SCARB1: variants seen among roughly 807,000 people sequenced by gnomAD.
SCARB1 encodes scavenger receptor class B member 1.
A neutral mutation model predicts 57.2 loss-of-function variants in SCARB1; 30 were observed. The observed-to-expected ratio is 0.52, with a 90% CI of 0.39 to 0.71. The LOEUF (loss-of-function observed/expected upper bound fraction) is 0.71, where lower values mean the gene tolerates loss of function less well. SCARB1 is among the 30% of genes least tolerant of loss of function. SCARB1 has a pLI of 0.00. For synonymous variants in SCARB1, 249 were observed against 268.3 expected (o/e 0.93, Z 0.70); for missense variants, 543 against 671.2 (o/e 0.81, Z 2.11).
At chr12:124,831,344 T>C (rs1215782227) in intron 1 of SCARB1, among the ~76,000 whole-genome samples, 3 of 152,134 alleles carry the variant, frequency 2.0e-5, no homozygotes, top group Non-Finnish European at 2.9e-5. Context: ...CTCCAACTCC[T>C]GACCTCAGGT....
chr12:124,780,763 G>C (rs909115966), intron 12 of SCARB1, among the ~76,000 whole-genome samples: 1 of 152,330 alleles, frequency 6.6e-6, no homozygotes, highest in African/African-American at 2.4e-5. Context: ...AGGACATCCT[G>C]GTTATGTCCA....
chr12:124,809,336 G>C (rs914947267), intron 6 of SCARB1, among the ~76,000 whole-genome samples: 5 of 152,144 alleles, frequency 3.3e-5, no homozygotes, highest in African/African-American at 1.2e-4. Context: ...TGCAATCCCA[G>C]CACTTTGGGA....
intron 7 of SCARB1, among the ~76,000 whole-genome samples, chr12:124,805,799 G>A (rs935025627): frequency 1.4e-5 from 2 of 142,724 alleles, no homozygotes; most frequent in South Asian, 4.4e-4. Context: ...CGAACTCTTG[G>A]CCTGAAGTGA....
Position 124,846,729 on chromosome 12 carries a change from CAAAAAAAAAAAAA to C in SCARB1, c.126+16853_126+16865del, listed in dbSNP as rs5801572. 1.5e-4 allele frequency among the ~76,000 whole-genome samples: 7 copies of C among 46,036 alleles called. No homozygotes were observed. In the South Asian group the frequency reaches 5.1e-3, roughly 33 times the overall value. The allele number at this position is 46,036 out of a possible 152,430, so 30.2% of individuals were successfully genotyped here. ...CTGGCCACACAGCAAGACTCCATCT[CAAAAAAAAAAAAA>C]AAAAAAAAAAAAAAAAGACAGATGA... On this transcript the variant is annotated intron_variant, in intron 1 of 12. Coordinates refer to ENST00000261693, the MANE Select transcript of SCARB1 (RefSeq NM_005505.5).
In SCARB1 at chr12:124,786,378, G is replaced by A; in HGVS notation, c.1380C>T (p.Val460=). The A allele has an allele frequency of 6.2e-7, 1 of 1,614,116 alleles. No homozygotes were observed. Among genetic ancestry groups the A allele is most frequent in the Non-Finnish European group, 8.5e-7 (1 of 1,180,044 alleles). Residue 460 remains valine (V), a synonymous_variant, in exon 11 of 13, where the codon GTC becomes GTT. Coordinates refer to ENST00000261693, the MANE Select transcript of SCARB1 (RefSeq NM_005505.5). ...ALGCVLLLVP[V]ICQIRSQEKC... is the part of the protein sequence containing the mutation. ...CTACTTGGCTCCGGATTTGGCAGATGACAGGGACCAGCAGCAGGACGCAGC... is the reference window on the plus strand; with the variant it reads ...CTACTTGGCTCCGGATTTGGCAGATAACAGGGACCAGCAGCAGGACGCAGC...
At chr12:124,827,500 T>C (rs993474500) in intron 1 of SCARB1, among the ~76,000 whole-genome samples, 7 of 152,116 alleles carry the variant, frequency 4.6e-5, no homozygotes, top group African/African-American at 7.2e-5. Context: ...TCTGTTTCTT[T>C]CCATCTTTTT....
chr12:124,822,084 G>T lies in SCARB1; in HGVS notation c.127-4377C>A, dbSNP rs148729131. Among the ~76,000 whole-genome samples, 1,834 of 152,296 alleles carry T rather than the reference G, an allele frequency of 0.012. 38 individuals are homozygous for T. The highest frequency in any genetic ancestry group is 0.014 in the Non-Finnish European group (964 of 68,006). On this transcript the variant is annotated intron_variant, in intron 1 of 12. Transcript: ENST00000261693. This position sits in a 1 kb window ranked among gnomAD's most constrained non-coding sequence, Gnocchi z 5.0. ...TTGAGCCCAGGAAGGCTGCCTGGAGGAGGGGACATCTGAGCTGGGAATTTT... is the reference window on the plus strand; with the variant it reads ...TTGAGCCCAGGAAGGCTGCCTGGAGTAGGGGACATCTGAGCTGGGAATTTT...
intron 1 of SCARB1, among the ~76,000 whole-genome samples, chr12:124,837,031 C>T (rs976867961): frequency 6.6e-6 from 1 of 152,150 alleles, no homozygotes; most frequent in Non-Finnish European, 1.5e-5. Flanking sequence ...CTGGAAGGTG[C>T]ATACAGTCCT....
rs778355586 is a variant in SCARB1 at position 124,815,071 on chromosome 12, T to TG, written c.327dup (p.Thr110HisfsTer42). The TG allele has an allele frequency of 5.6e-6, 9 of 1,614,044 alleles. No homozygotes were observed. In the South Asian group the frequency reaches 9.9e-5, roughly 18 times the overall value. ...GTGCGGTACTCGAGGAAGGACACGG[T>TG]GTCGTTGTTGTTGAAGGTGATGTTG... is the stretch of plus-strand genomic sequence containing the variant. On this transcript the variant is annotated frameshift_variant, in exon 3 of 13. Coordinates refer to ENST00000261693, the MANE Select transcript of SCARB1 (RefSeq NM_005505.5). LOFTEE classifies it high-confidence loss of function.
intron 1 of SCARB1, among the ~76,000 whole-genome samples, chr12:124,831,593 G>A (rs944103653): frequency 1.3e-5 from 2 of 152,150 alleles, no homozygotes; most frequent in South Asian, 4.2e-4. Context: ...ACCACCAGGG[G>A]CCCTGGAGAG....
intron 7 of SCARB1, among the ~76,000 whole-genome samples, chr12:124,805,012 A>G (rs916764250): frequency 3.3e-5 from 5 of 152,170 alleles, no homozygotes; most frequent in African/African-American, 9.7e-5. Context: ...AATAAAACCA[A>G]CAAGAGGAGC....
At chr12:124,794,464 G>A (rs1284850474) in intron 9 of SCARB1, among the ~76,000 whole-genome samples, 6 of 145,416 alleles carry the variant, frequency 4.1e-5, no homozygotes, top group African/African-American at 1.6e-4. Context: ...GCAGTGGCGC[G>A]ATCTCGGCTC....
In SCARB1 at chr12:124,786,240, T is replaced by A. The variant is rs761573634; in HGVS notation, c.1401+117A>T. 3.8e-6 allele frequency: 6 copies of A among 1,599,036 alleles called. No homozygotes were observed. In the East Asian group the frequency reaches 1.1e-4, roughly 30 times the overall value. On this transcript the variant is annotated intron_variant, in intron 11 of 12. Transcript: ENST00000261693. Reference sequence around the variant, plus strand: ...TCCCACTCCGGCAGAGACGCAGGACTGCTGCTGGAGGTGGGCTCCAGGCTG... The same window carrying A: ...TCCCACTCCGGCAGAGACGCAGGACAGCTGCTGGAGGTGGGCTCCAGGCTG...
intron 1 of SCARB1, among the ~76,000 whole-genome samples, chr12:124,842,785 C>A (rs1343329869): frequency 6.6e-6 from 1 of 152,232 alleles, no homozygotes; most frequent in Non-Finnish European, 1.5e-5. Context: ...ACAGCCCTGT[C>A]CTTTACAAGG....
chr12:124,826,753 C>A (rs73227576), intron 1 of SCARB1, among the ~76,000 whole-genome samples: 4,445 of 152,190 alleles, frequency 0.029, 85 homozygotes, highest in Non-Finnish European at 0.048. Flanking sequence ...AGCCACTGCA[C>A]CTGGCCTCAA....
Position 124,812,993 on chromosome 12 carries a change from T to C in SCARB1, c.631-1028A>G, listed in dbSNP as rs1218915894. Among the ~76,000 whole-genome samples the C allele has an allele frequency of 6.6e-6, 1 of 152,142 alleles. No homozygotes were observed. ...TTATTATTAATAAATGCTCACCCAATAGGATACTTAAATGATCATTATAAT... is the reference window on the plus strand; with the variant it reads ...TTATTATTAATAAATGCTCACCCAACAGGATACTTAAATGATCATTATAAT... On this transcript the variant is annotated intron_variant, in intron 4 of 12. Transcript: ENST00000261693. This position sits in a 1 kb window ranked among gnomAD's most constrained non-coding sequence, Gnocchi z 4.3.
rs776676472 is a variant in SCARB1 at position 124,814,434 on chromosome 12, A to G, written c.427-29T>C. The G allele has an allele frequency of 3.0e-5, 48 of 1,609,458 alleles. 1 individual carries two copies. The African/African-American group carries it at 3.7e-4, about 13-fold the overall frequency. On this transcript the variant is annotated intron_variant, in intron 3 of 12. Coordinates refer to ENST00000261693, the MANE Select transcript of SCARB1 (RefSeq NM_005505.5). This position sits in a 1 kb window ranked among gnomAD's most constrained non-coding sequence, Gnocchi z 4.7. ...CAAGGCGAAGGGACACTAGTGTCAG[A>G]GGCTGGACGTGGCTGGCCCATCCTC...
At chr12:124,829,597 C>G (rs1457633918) in intron 1 of SCARB1, among the ~76,000 whole-genome samples, 1 of 152,216 alleles carries the variant, frequency 6.6e-6, no homozygotes, top group East Asian at 1.9e-4. Flanking sequence ...TCCTGAGCCA[C>G]CAGGCAAGTT....
chr12:124,788,111 C>G (rs563705845), intron 9 of SCARB1, among the ~76,000 whole-genome samples: 17 of 152,208 alleles, frequency 1.1e-4, no homozygotes, highest in African/African-American at 3.4e-4. Flanking sequence ...GAATATACCC[C>G]CAGGGATAAG....
Sources: allele counts gnomAD v4.1 joint callset (sites outside exome capture counted in the v4.1 genomes callset), GRCh38; gene constraint gnomAD v4.1.1; non-coding constraint Gnocchi (gnomAD v3.1); transcripts MANE v1.5; gene names NCBI Gene and HGNC (gene_info 2026-07-23, HGNC 2026-07-21).